SARDH: variants seen among roughly 807,000 people sequenced by gnomAD.
The protein encoded by SARDH is sarcosine dehydrogenase, mitochondrial.
Under a neutral mutation model 109.1 loss-of-function variants are expected in SARDH, and 95 were observed. That is an observed-to-expected ratio of 0.87 (90% CI 0.74 to 1.03). The LOEUF is 1.03. Among genes scored for constraint, SARDH ranks in the 50% least tolerant of loss-of-function variants. The probability of loss-of-function intolerance (pLI) is 0.00; values close to 1 mark genes in which losing one functional copy is unlikely to be tolerated. For missense variants in SARDH, 1,267 were observed against 1,287.8 expected, an observed-to-expected ratio of 0.98 and a Z score of 0.25; for synonymous variants, 572 against 534.8, an observed-to-expected ratio of 1.07 and a Z score of -0.96.
chr9:133,671,770 T>C, intron 17 of SARDH, 73 bp from the exon 18 acceptor site: 1 of 1,485,732 alleles, frequency 6.7e-7, no homozygotes, highest in South Asian at 1.3e-5. Context: ...CACCACTTCC[T>C]GGTGGCAGCT....
chr9:133,662,854 C>T (rs944504595), downstream of SARDH, among the ~76,000 whole-genome samples: 1 of 152,124 alleles, frequency 6.6e-6, no homozygotes, highest in Admixed American at 6.5e-5. This position sits in a 1 kb window ranked among gnomAD's most constrained non-coding sequence, Gnocchi z 5.1. Context: ...AACCTGGGCT[C>T]GGGGGGACAA....
chr9:133,691,628 T>G lies in SARDH; in HGVS notation c.1922-1101A>C, dbSNP rs578079209. 2.6e-5 allele frequency among the ~76,000 whole-genome samples: 4 copies of G among 152,344 alleles called. No homozygotes were observed. The East Asian group carries it at 7.7e-4, about 29-fold the overall frequency. ...AAGATCAATAAAGACCATTTAAAATTACTTTTGAGATTGACAGCTGCTTTG... is the reference window on the plus strand; with the variant it reads ...AAGATCAATAAAGACCATTTAAAATGACTTTTGAGATTGACAGCTGCTTTG... On this transcript the variant is annotated intron_variant, in intron 15 of 20. Coordinates refer to ENST00000439388, the MANE Select transcript of SARDH (RefSeq NM_001134707.2).
At chr9:133,733,719 C>CCTTCCCCAGGGTCT in intron 2 of SARDH, 124 bp downstream of exon 2, 3 of 989,364 alleles carry the variant, frequency 3.0e-6, no homozygotes, top group Non-Finnish European at 4.1e-6. Flanking sequence ...GGCCATGCAC[C>CCTTCCCCAGGGTCT]CTTCCCCAGG....
At chr9:133,678,856 C>T (rs899551647) in intron 17 of SARDH, among the ~76,000 whole-genome samples, 2 of 152,216 alleles carry the variant, frequency 1.3e-5, no homozygotes, top group African/African-American at 4.8e-5. Context: ...TCTTGTGAAC[C>T]AGTCTTTTGT....
At chr9:133,690,609 G>A (rs922290454) in intron 15 of SARDH, 82 bp from the exon 16 acceptor site, 23 of 1,495,934 alleles carry the variant, frequency 1.5e-5, no homozygotes, top group African/African-American at 9.7e-5. Flanking sequence ...AGGGTCTCCC[G>A]GCTGAGAAAA....
chr9:133,737,980 G>A (rs1832939394), intron 1 of SARDH, among the ~76,000 whole-genome samples: 1 of 152,174 alleles, frequency 6.6e-6, no homozygotes, highest in Admixed American at 6.5e-5. Flanking sequence ...ACCCAGGAAC[G>A]CCCTCCTCCT....
At chr9:133,726,018 A>T (rs1405665618) in intron 6 of SARDH, among the ~76,000 whole-genome samples, 1 of 152,152 alleles carries the variant, frequency 6.6e-6, no homozygotes, top group Non-Finnish European at 1.5e-5. Flanking sequence ...GAATGAGAAT[A>T]TCTGCACCAG....
At chr9:133,698,638 T>C (rs1564265219) in intron 13 of SARDH, among the ~76,000 whole-genome samples, 1 of 152,320 alleles carries the variant, frequency 6.6e-6, no homozygotes, top group Non-Finnish European at 1.5e-5. Flanking sequence ...TTACAGTCAA[T>C]TGATTTTCAA....
chr9:133,664,849 C>G (rs536343211), intron 20 of SARDH, among the ~76,000 whole-genome samples: 1 of 152,324 alleles, frequency 6.6e-6, no homozygotes, highest in East Asian at 1.9e-4. Context: ...AGCTGCCCCC[C>G]GCAGGCAGGC....
In SARDH at chr9:133,712,447, C is replaced by A. The variant is rs539571352; in HGVS notation, c.1328+172G>T. Reference sequence around the variant, plus strand: ...GGGGCGTGGACCTGCCCCCCAGCCACCCCCTCAGCACTGCCCACCTTCTGC... The same window carrying A: ...GGGGCGTGGACCTGCCCCCCAGCCAACCCCTCAGCACTGCCCACCTTCTGC... On this transcript the variant is annotated intron_variant, in intron 10 of 20. Coordinates refer to ENST00000439388, the MANE Select transcript of SARDH (RefSeq NM_001134707.2). The surrounding 1 kb of genome is among the most constrained non-coding windows in gnomAD (Gnocchi z 4.1). Among the ~76,000 whole-genome samples the A allele has an allele frequency of 4.5e-4, 68 of 151,976 alleles. No homozygotes were observed. Among genetic ancestry groups the A allele is most frequent in the Non-Finnish European group, 7.9e-4 (54 of 67,990 alleles).
At position 133,714,386 on chromosome 9, in the gene SARDH, C is replaced by T. The variant is rs1033711821; in HGVS notation, c.1151-1262G>A. Among the ~76,000 whole-genome samples, 4 of 152,090 alleles carry T rather than the reference C, an allele frequency of 2.6e-5. No homozygotes were observed. In the East Asian group the frequency reaches 5.8e-4, roughly 22 times the overall value. Reference sequence around the variant, plus strand: ...GGCAGGCTAGAGGGGCAGGGCCCTACGTGGAGGGCCTGGGTTATCAGGGCA... The same window carrying T: ...GGCAGGCTAGAGGGGCAGGGCCCTATGTGGAGGGCCTGGGTTATCAGGGCA... On this transcript the variant is annotated intron_variant, in intron 8 of 20. Coordinates refer to ENST00000439388, the MANE Select transcript of SARDH (RefSeq NM_001134707.2).
At chr9:133,730,324 G>A (rs1832633457) in intron 4 of SARDH, 137 bp from the exon 5 acceptor site, 1 of 1,141,674 alleles carries the variant, frequency 8.8e-7, no homozygotes, top group Non-Finnish European at 1.2e-6. Flanking sequence ...CTGCGACACT[G>A]TCAGGGAAAC....
rs1383104539 is a variant in SARDH, at chr9:133,692,635, C to G, written c.1921+1623G>C. On this transcript the variant is annotated intron_variant, in intron 15 of 20. Coordinates refer to ENST00000439388, the MANE Select transcript of SARDH (RefSeq NM_001134707.2). The surrounding 1 kb of genome is among the most constrained non-coding windows in gnomAD (Gnocchi z 5.0). ...CTTGCATGTCCCCCTCCAGGTGTTA[C>G]GGGGCCCTTCCTGCCCCCGTCTGGA... is the stretch of plus-strand genomic sequence containing the variant. 2.6e-5 allele frequency among the ~76,000 whole-genome samples: 4 copies of G among 152,142 alleles called. No homozygotes were observed.
rs1389137177 is a variant in SARDH, at chr9:133,704,964, G to A, written c.1538C>T (p.Pro513Leu). 7 of 1,581,196 alleles carry A rather than the reference G, an allele frequency of 4.4e-6. No homozygotes were observed. The South Asian group carries it at 7.0e-5, about 16-fold the overall frequency. ...HGWERPGWFH[P>L]RGPAPVLEYD... ...ACTACTCACCGGAGCTGGGCCTCGG[G>A]GATGAAACCATCCCGGTCGCTCCCA... Residue 513 changes from proline (P) to leucine (L), a missense_variant, in exon 12 of 21, where the codon CCC becomes CTC. Physicochemically the swap from Pro to Leu is moderately conservative, Grantham distance 98. Transcript: ENST00000439388. The surrounding 1 kb of genome is among the most constrained non-coding windows in gnomAD (Gnocchi z 4.5).
At chr9:133,738,584 C>G (rs956389104), upstream of SARDH, among the ~76,000 whole-genome samples, 25 of 152,232 alleles carry the variant, frequency 1.6e-4, 1 homozygote, top group Admixed American at 1.5e-3. Context: ...TTCCTCGTCT[C>G]TGAAACAGGC....
intron 16 of SARDH, among the ~76,000 whole-genome samples, chr9:133,687,271 G>A (rs562791651): frequency 5.9e-4 from 90 of 152,252 alleles, no homozygotes; most frequent in Non-Finnish European, 1.0e-3. Flanking sequence ...GTTTTGGTTT[G>A]TTTTGTTTCA....
At chr9:133,736,940 G>A (rs192030867) in intron 1 of SARDH, among the ~76,000 whole-genome samples, 5 of 152,334 alleles carry the variant, frequency 3.3e-5, no homozygotes, top group Admixed American at 1.3e-4. Context: ...AGCTATGCAC[G>A]TTCGTTCACT....
chr9:133,703,885 C>A (rs1831587051), intron 12 of SARDH, among the ~76,000 whole-genome samples: 1 of 152,206 alleles, frequency 6.6e-6, no homozygotes, highest in Non-Finnish European at 1.5e-5. Flanking sequence ...CCACTGCAGC[C>A]CTGCCAAGGT....
chr9:133,693,305 T>A lies in SARDH; in HGVS notation c.1921+953A>T, dbSNP rs532703874. Among the ~76,000 whole-genome samples, 4 of 152,262 alleles carry A rather than the reference T, an allele frequency of 2.6e-5. No homozygotes were observed. The East Asian group carries it at 5.8e-4, about 22-fold the overall frequency. ...GAAGGTGCGGGTTATGAGCTGATCA[T>A]GAATGAGCCCCTTTCTCCCCTTGCC... On this transcript the variant is annotated intron_variant, in intron 15 of 20. Transcript: ENST00000439388. The surrounding 1 kb of genome is among the most constrained non-coding windows in gnomAD (Gnocchi z 5.6).
Sources: gnomAD v4.1 joint callset for allele counts (sites outside exome capture counted in the v4.1 genomes callset) on GRCh38, gnomAD v4.1.1 for gene constraint, Gnocchi (gnomAD v3.1) non-coding constraint, MANE v1.5 for transcripts, NCBI Gene and HGNC (gene_info 2026-07-23, HGNC 2026-07-21) for gene names.